Variants in ADAM23 observed in about 807,000 individuals in gnomAD.
ADAM23 encodes the protein ADAM metallopeptidase domain 23.
A neutral mutation model predicts 120.1 loss-of-function variants in ADAM23; 33 were observed. The observed-to-expected ratio is 0.27, with a 90% confidence interval of 0.21 to 0.37. The LOEUF (loss-of-function observed/expected upper bound fraction) is 0.37, where lower values mean the gene tolerates loss of function less well. Ranked by LOEUF, ADAM23 falls within the 10% of genes least tolerant of loss-of-function variation. ADAM23 has a pLI of 1.00. For missense variants in ADAM23, 862 were observed against 1,058.2 expected (o/e 0.81, Z 2.57); for synonymous variants, 367 against 375.2 (o/e 0.98, Z 0.25).
At chr2:206,583,740 C>A (rs1057083504) in intron 18 of ADAM23, among the ~76,000 whole-genome samples, 4 of 152,114 alleles carry the variant, frequency 2.6e-5, no homozygotes, top group Admixed American at 6.5e-5. Flanking sequence ...GTTACTATTT[C>A]CATGAATATT....
intron 2 of ADAM23, among the ~76,000 whole-genome samples, chr2:206,463,523 C>T (rs1695472150): frequency 6.6e-6 from 1 of 152,174 alleles, no homozygotes. Context: ...CCCTGACATC[C>T]AGGGAAATTT....
chr2:206,444,998 ACC>A (rs10557523), intron 1 of ADAM23, among the ~76,000 whole-genome samples: 53,240 of 145,970 alleles, frequency 0.36, 9,544 homozygotes, highest in South Asian at 0.44. Flanking sequence ...AGTTCATTCT[ACC>A]CCCCCCCCAA....
At position 206,571,709 on chromosome 2, in the gene ADAM23, G is replaced by T. The variant is rs200493974; in HGVS notation, c.1567-18G>T. ...CAGGTAAGGCTCTTCGCTTACTCAC[G>T]TGAAGTGTTTTCTCTAGGAATGCTA... On this transcript the variant is annotated intron_variant, in intron 16 of 25. Transcript: ENST00000264377. The T allele has an allele frequency of 4.4e-6, 7 of 1,604,298 alleles. No individual in the cohort carries two copies. The Admixed American group carries it at 5.0e-5, about 11-fold the overall frequency.
intron 24 of ADAM23, among the ~76,000 whole-genome samples, chr2:206,604,711 A>G: frequency 6.6e-6 from 1 of 152,324 alleles, no homozygotes; most frequent in East Asian, 1.9e-4. Context: ...CTCTGGGAAA[A>G]TATTTAGCTA....
chr2:206,548,132 A>C, intron 7 of ADAM23, 149 bp from the exon 8 acceptor site: 1 of 640,452 alleles, frequency 1.6e-6, no homozygotes, highest in South Asian at 2.1e-5. Flanking sequence ...TGTGGTCATG[A>C]GAGTGTGAAA....
intron 21 of ADAM23, 87 bp from the exon 22 acceptor site, chr2:206,592,530 A>T (rs1698443918): frequency 2.0e-6 from 3 of 1,473,434 alleles, no homozygotes; most frequent in East Asian, 2.3e-5. Flanking sequence ...TATTTTAAAA[A>T]TTTGAATCAA....
chr2:206,499,292 T>G (rs1328107727), intron 3 of ADAM23, among the ~76,000 whole-genome samples: 1 of 152,002 alleles, frequency 6.6e-6, no homozygotes, highest in Non-Finnish European at 1.5e-5. Context: ...GTGGCACGTA[T>G]ACACCATATA....
At chr2:206,520,497 A>G (rs539564388) in intron 3 of ADAM23, among the ~76,000 whole-genome samples, 5 of 152,192 alleles carry the variant, frequency 3.3e-5, no homozygotes, top group Non-Finnish European at 7.3e-5. Context: ...AAAAACCTTT[A>G]TCTTTGTTAA....
chr2:206,531,549 A>G (rs993921465), intron 4 of ADAM23, among the ~76,000 whole-genome samples: 1 of 152,154 alleles, frequency 6.6e-6, no homozygotes, highest in African/African-American at 2.4e-5. Flanking sequence ...GTCTTCAGGG[A>G]GGATTAATAA....
At chr2:206,574,994 A>C (rs2105834426) in intron 18 of ADAM23, among the ~76,000 whole-genome samples, 1 of 152,308 alleles carries the variant, frequency 6.6e-6, no homozygotes, top group East Asian at 1.9e-4. Context: ...CTGGGTATAG[A>C]AAGGCAAGTA....
intron 18 of ADAM23, among the ~76,000 whole-genome samples, chr2:206,584,224 C>G (rs1004815088): frequency 6.6e-6 from 1 of 152,158 alleles, no homozygotes; most frequent in Admixed American, 6.5e-5. Flanking sequence ...CTGCGAGTCT[C>G]TCAGCTGTGG....
intron 7 of ADAM23, 31 bp from the exon 8 acceptor site, chr2:206,548,250 A>C: frequency 6.9e-6 from 11 of 1,595,238 alleles, no homozygotes; most frequent in Non-Finnish European, 9.4e-6. Flanking sequence ...AATAAGCATA[A>C]AATTTTGATA....
chr2:206,473,706 G>T (rs1695712815), intron 2 of ADAM23, among the ~76,000 whole-genome samples: 1 of 151,188 alleles, frequency 6.6e-6, no homozygotes, highest in Admixed American at 6.6e-5. Context: ...TAATCTTTTT[G>T]ATCTAAGTGT....
rs1288654301 is a variant in ADAM23 at position 206,510,241 on chromosome 2, AAAAC to A, written c.510-20640_510-20637del. 5.9e-5 allele frequency among the ~76,000 whole-genome samples: 9 copies of A among 152,334 alleles called. No individual in the cohort carries two copies. In the East Asian group the frequency reaches 7.7e-4, roughly 13 times the overall value. On this transcript the variant is annotated intron_variant, in intron 3 of 25. Coordinates refer to ENST00000264377, the MANE Select transcript of ADAM23 (RefSeq NM_003812.4). ...CTTAATAAATATTAAATTTAAAAGA[AAAAC>A]AAATGAAATGAAAGGAATTGGTGAA...
intron 24 of ADAM23, chr2:206,605,867 G>C (rs1698719408): frequency 1.5e-6 from 1 of 687,588 alleles, no homozygotes; most frequent in Non-Finnish European, 2.6e-6. Flanking sequence ...TGGAGGCACA[G>C]GGTGGGGAAT....
chr2:206,464,121 A>T (rs1320060715), intron 2 of ADAM23, among the ~76,000 whole-genome samples: 1 of 152,198 alleles, frequency 6.6e-6, no homozygotes, highest in African/African-American at 2.4e-5. Context: ...TTTGGGGGGA[A>T]GGCTTGTATG....
intron 3 of ADAM23, among the ~76,000 whole-genome samples, chr2:206,485,911 A>G (rs1696002743): frequency 6.6e-6 from 1 of 152,250 alleles, no homozygotes; most frequent in Non-Finnish European, 1.5e-5. Flanking sequence ...AAGAGGAGCC[A>G]CAACACGTTG....
chr2:206,548,804 A>G (rs1396136228), intron 8 of ADAM23, among the ~76,000 whole-genome samples: 1 of 152,014 alleles, frequency 6.6e-6, no homozygotes, highest in African/African-American at 2.4e-5. Context: ...CAGATTAAAA[A>G]CTCTGTTACA....
intron 9 of ADAM23, among the ~76,000 whole-genome samples, chr2:206,552,379 A>G (rs912177903): frequency 1.3e-5 from 2 of 152,210 alleles, no homozygotes; most frequent in Non-Finnish European, 2.9e-5. Flanking sequence ...GGAAACAGTT[A>G]CTACTAAGTG....
Sources: gnomAD v4.1 joint callset for allele counts (sites outside exome capture counted in the v4.1 genomes callset) on GRCh38, gnomAD v4.1.1 for gene constraint, MANE v1.5 for transcripts, NCBI Gene and HGNC (gene_info 2026-07-23, HGNC 2026-07-21) for gene names.